The following POU6F2 variants were observed in gnomAD, a reference collection of about 807,000 sequenced individuals.
The protein encoded by POU6F2 is POU class 6 homeobox 2.
In POU6F2, 31 loss-of-function variants were observed where a neutral mutation model predicts 71.3. The ratio of observed to expected loss-of-function variants is 0.43; its 90% confidence interval spans 0.33 to 0.59. The LOEUF (loss-of-function observed/expected upper bound fraction) is 0.59, where lower values mean the gene tolerates loss of function less well. POU6F2 is among the 20% of genes least tolerant of loss of function. The pLI is 0.04. For synonymous variants in POU6F2, 347 were observed against 355.7 expected, an observed-to-expected ratio of 0.98 and a Z score of 0.27; for missense variants, 783 against 856.8, an observed-to-expected ratio of 0.91 and a Z score of 1.07.
rs70977474 is a variant in POU6F2, at chr7:39,454,655, GATATATATATATATAT to G, written c.1489+3012_1489+3027del. On this transcript the variant is annotated intron_variant, in intron 8 of 9. Transcript: ENST00000518318. ...CCAGGAACCAAGGATGAAGACCAGGGATATATATATATATATATATATATATATATATATATATATA... is the reference window on the plus strand; with the variant it reads ...CCAGGAACCAAGGATGAAGACCAGGGATATATATATATATATATATATATA... 2.6e-3 allele frequency among the ~76,000 whole-genome samples: 164 copies of G among 63,262 alleles called. 14 individuals carry two copies. Among genetic ancestry groups the G allele is most frequent in the Middle Eastern group, 0.011 (1 of 92 alleles). 41.5% of individuals were successfully genotyped at this position (63,262 alleles called of 152,430 possible).
chr7:39,032,283 C>T (rs1439039432), intron 1 of POU6F2, among the ~76,000 whole-genome samples: 1 of 152,102 alleles, frequency 6.6e-6, no homozygotes, highest in Admixed American at 6.5e-5. Flanking sequence ...GTGAGTCCTT[C>T]TTCATGCCAA....
At chr7:39,285,458 C>T (rs1784635312) in intron 4 of POU6F2, among the ~76,000 whole-genome samples, 1 of 152,164 alleles carries the variant, frequency 6.6e-6, no homozygotes, top group Admixed American at 6.5e-5. Context: ...TGGTTTGTTT[C>T]CATAGCCAGT....
At chr7:39,062,342 C>G (rs559495533) in intron 1 of POU6F2, among the ~76,000 whole-genome samples, 6 of 151,892 alleles carry the variant, frequency 4.0e-5, no homozygotes, top group African/African-American at 1.5e-4. Context: ...CAAAATCATG[C>G]TTTGAGAACT....
chr7:39,428,747 A>G (rs1788027377), intron 6 of POU6F2, among the ~76,000 whole-genome samples: 1 of 151,998 alleles, frequency 6.6e-6, no homozygotes, highest in Non-Finnish European at 1.5e-5. Context: ...ATTCACACAG[A>G]ATAGCCCCAT....
intron 1 of POU6F2, among the ~76,000 whole-genome samples, chr7:38,991,444 G>A (rs1435332346): frequency 6.6e-6 from 1 of 152,118 alleles, no homozygotes; most frequent in Non-Finnish European, 1.5e-5. Flanking sequence ...CCAGTGGAAA[G>A]TTTGGGTCTG....
At chr7:39,059,937 G>A (rs1171171580) in intron 1 of POU6F2, among the ~76,000 whole-genome samples, 3 of 152,196 alleles carry the variant, frequency 2.0e-5, no homozygotes, top group African/African-American at 7.2e-5. Context: ...GGGGCCAGGT[G>A]CGGTGGCTCA....
intron 2 of POU6F2, among the ~76,000 whole-genome samples, chr7:39,178,749 A>G (rs553143431): frequency 9.9e-5 from 15 of 152,154 alleles, no homozygotes; most frequent in Non-Finnish European, 1.8e-4. Flanking sequence ...AAAAAACAGG[A>G]GCACTGAGAA....
chr7:39,063,419 C>G (rs746668848), intron 1 of POU6F2, among the ~76,000 whole-genome samples: 1 of 152,064 alleles, frequency 6.6e-6, no homozygotes, highest in African/African-American at 2.4e-5. Flanking sequence ...AGTGACAAAT[C>G]GAAATTCACA....
chr7:39,001,300 T>G (rs1476034010), intron 1 of POU6F2, among the ~76,000 whole-genome samples: 2 of 152,142 alleles, frequency 1.3e-5, no homozygotes, highest in African/African-American at 4.8e-5. Flanking sequence ...AACAAAGAGT[T>G]GATAATAGGC....
intron 1 of POU6F2, among the ~76,000 whole-genome samples, chr7:39,048,290 A>G (rs1160212917): frequency 6.6e-6 from 1 of 151,820 alleles, no homozygotes; most frequent in Non-Finnish European, 1.5e-5. Flanking sequence ...TTTGGTGTTC[A>G]GATTATTTCA....
intron 4 of POU6F2, among the ~76,000 whole-genome samples, chr7:39,221,155 G>T (rs918556543): frequency 2.6e-5 from 4 of 152,020 alleles, no homozygotes; most frequent in African/African-American, 4.8e-5. Flanking sequence ...CAGGCCTAGA[G>T]GATCTGCCTA....
intron 5 of POU6F2, among the ~76,000 whole-genome samples, chr7:39,362,772 G>A (rs747367678): frequency 6.6e-6 from 1 of 152,154 alleles, no homozygotes; most frequent in Non-Finnish European, 1.5e-5. Context: ...CTAGAGTAGG[G>A]GGTTACTCTT....
At chr7:39,201,105 C>T (rs560031787) in intron 2 of POU6F2, among the ~76,000 whole-genome samples, 9 of 152,212 alleles carry the variant, frequency 5.9e-5, no homozygotes, top group East Asian at 5.8e-4. Context: ...GGCAAGCATG[C>T]GCTGTTTCAT....
intron 2 of POU6F2, among the ~76,000 whole-genome samples, chr7:39,127,402 G>A (rs1318887144): frequency 1.3e-5 from 2 of 152,182 alleles, no homozygotes; most frequent in South Asian, 2.1e-4. Flanking sequence ...AGTCATTCAA[G>A]CAATATTCAA....
At chr7:39,232,132 C>T (rs1301766832) in intron 4 of POU6F2, among the ~76,000 whole-genome samples, 1 of 151,992 alleles carries the variant, frequency 6.6e-6, no homozygotes. Flanking sequence ...TAAATTGATA[C>T]AAATATGTCC....
intron 2 of POU6F2, among the ~76,000 whole-genome samples, chr7:39,198,321 G>A (rs1793826437): frequency 6.6e-6 from 1 of 152,206 alleles, no homozygotes; most frequent in Non-Finnish European, 1.5e-5. Flanking sequence ...AACATCTTCA[G>A]TCCAAATAAG....
intron 4 of POU6F2, among the ~76,000 whole-genome samples, chr7:39,271,804 C>T (rs1222880138): frequency 6.6e-6 from 1 of 152,006 alleles, no homozygotes; most frequent in Non-Finnish European, 1.5e-5. Flanking sequence ...TTCAAATCGT[C>T]ATTCAACTTA....
chr7:39,045,593 C>CAT (rs1282569012), intron 1 of POU6F2, among the ~76,000 whole-genome samples: 1 of 151,198 alleles, frequency 6.6e-6, no homozygotes, highest in Non-Finnish European at 1.5e-5. Flanking sequence ...GCTGTACATT[C>CAT]ACTCATTCAA....
chr7:39,057,315 C>A (rs969941750), intron 1 of POU6F2, among the ~76,000 whole-genome samples: 2 of 152,182 alleles, frequency 1.3e-5, no homozygotes, highest in South Asian at 2.1e-4. Context: ...TAAAAAAATT[C>A]TCTCTAAAAT....
Sources: gnomAD v4.1 joint callset for allele counts (sites outside exome capture counted in the v4.1 genomes callset) on GRCh38, gnomAD v4.1.1 for gene constraint, MANE v1.5 for transcripts, NCBI Gene and HGNC (gene_info 2026-07-23, HGNC 2026-07-21) for gene names.